Variants in FAF1 observed in about 807,000 individuals in gnomAD.
FAF1 encodes Fas associated factor 1.
Under a neutral mutation model 92.5 loss-of-function variants are expected in FAF1, and 25 were observed. The observed-to-expected ratio is 0.27, with a 90% CI of 0.20 to 0.38. FAF1 has a LOEUF of 0.38. FAF1 is among the 10% of genes least tolerant of loss of function. The pLI, the probability that FAF1 is intolerant of heterozygous loss-of-function variation, is 1.00. For missense variants in FAF1, 636 were observed against 793.3 expected, an observed-to-expected ratio of 0.80 and a Z score of 2.38; for synonymous variants, 234 against 273.2, an observed-to-expected ratio of 0.86 and a Z score of 1.42.
At chr1:50,888,376 C>T (rs1380038927) in intron 1 of FAF1, among the ~76,000 whole-genome samples, 2 of 152,136 alleles carry the variant, frequency 1.3e-5, no homozygotes, top group African/African-American at 2.4e-5. Flanking sequence ...TTTCTTTCTC[C>T]TGCCTGATTG....
At chr1:50,892,539 T>A (rs143288586) in intron 1 of FAF1, among the ~76,000 whole-genome samples, 1 of 152,200 alleles carries the variant, frequency 6.6e-6, no homozygotes, top group African/African-American at 2.4e-5. Context: ...GCCTGTAAGG[T>A]TTCCACTGAA....
At chr1:50,657,711 T>C (rs1280700596) in intron 7 of FAF1, among the ~76,000 whole-genome samples, 10 of 152,176 alleles carry the variant, frequency 6.6e-5, no homozygotes, top group Admixed American at 6.5e-4. Flanking sequence ...CATAATCACA[T>C]CTAAGTTACC....
At chr1:50,461,867 GAAACCA>G (rs1356684226) in intron 18 of FAF1, among the ~76,000 whole-genome samples, 1 of 136,458 alleles carries the variant, frequency 7.3e-6, no homozygotes, top group African/African-American at 2.8e-5. Flanking sequence ...TTGTCTTCTT[GAAACCA>G]AAACACTGAA....
At chr1:50,919,165 C>T (rs1644943142) in intron 1 of FAF1, among the ~76,000 whole-genome samples, 1 of 151,916 alleles carries the variant, frequency 6.6e-6, no homozygotes, top group South Asian at 2.1e-4. Flanking sequence ...ATTCTAACTC[C>T]TAAATGAAAA....
chr1:50,807,020 C>T (rs987371800), intron 2 of FAF1, among the ~76,000 whole-genome samples: 1 of 152,138 alleles, frequency 6.6e-6, no homozygotes, highest in African/African-American at 2.4e-5. Flanking sequence ...CACTAATTCC[C>T]CAGTACTGGG....
At chr1:50,615,892 A>G (rs1277534326) in intron 8 of FAF1, among the ~76,000 whole-genome samples, 1 of 152,016 alleles carries the variant, frequency 6.6e-6, no homozygotes, top group Non-Finnish European at 1.5e-5. Flanking sequence ...TTTTTGTTGC[A>G]ACTGTTTTTG....
intron 15 of FAF1, among the ~76,000 whole-genome samples, chr1:50,510,581 G>T (rs1647121927): frequency 6.6e-6 from 1 of 152,110 alleles, no homozygotes; most frequent in East Asian, 1.9e-4. Context: ...ATGTGTCAGG[G>T]CTCTGATAAG....
At chr1:50,882,797 C>T (rs1451985574) in intron 1 of FAF1, among the ~76,000 whole-genome samples, 1 of 151,666 alleles carries the variant, frequency 6.6e-6, no homozygotes, top group Non-Finnish European at 1.5e-5. Context: ...ACCAGCGTGG[C>T]CAACATGGTG....
intron 1 of FAF1, among the ~76,000 whole-genome samples, chr1:50,888,581 A>G (rs1256491684): frequency 6.6e-6 from 1 of 152,170 alleles, no homozygotes; most frequent in African/African-American, 2.4e-5. Context: ...ACTTTTTAGC[A>G]TGAAGGGCTG....
At chr1:50,667,489 C>T (rs935209585) in intron 7 of FAF1, among the ~76,000 whole-genome samples, 1 of 152,204 alleles carries the variant, frequency 6.6e-6, no homozygotes, top group African/African-American at 2.4e-5. Context: ...TTATCAGAAA[C>T]AGCTGTGTCT....
chr1:50,569,431 G>A lies in FAF1; in HGVS notation c.1114-2200C>T, dbSNP rs1404143280. 3.9e-5 allele frequency among the ~76,000 whole-genome samples: 6 copies of A among 152,238 alleles called. No homozygotes were observed. The East Asian group carries it at 1.2e-3, about 29-fold the overall frequency. On this transcript the variant is annotated intron_variant, in intron 12 of 18. Transcript: ENST00000396153. ...GGCAAAAAAGATACCCAATAGCAAT[G>A]GCAATGTAAAATCAGTTTTAGTAAA...
intron 4 of FAF1, among the ~76,000 whole-genome samples, chr1:50,786,309 C>T (rs1226405705): frequency 1.3e-5 from 2 of 152,116 alleles, no homozygotes; most frequent in African/African-American, 2.4e-5. Context: ...TATGCTACAA[C>T]ATATATAAGC....
chr1:50,567,024 TG>T (rs1229588862), intron 13 of FAF1, 52 bp downstream of exon 13: 1 of 1,349,740 alleles, frequency 7.4e-7, no homozygotes, highest in East Asian at 2.4e-5. Flanking sequence ...ATAAACACAA[TG>T]ATTTTTTTTT....
chr1:50,914,985 T>C (rs1046555847), intron 1 of FAF1, among the ~76,000 whole-genome samples: 1 of 152,194 alleles, frequency 6.6e-6, no homozygotes, highest in Admixed American at 6.5e-5. Context: ...GCTCTCCACA[T>C]TGCAAAGTTT....
intron 13 of FAF1, among the ~76,000 whole-genome samples, chr1:50,554,390 T>TATATATATATATATAGAGAG: frequency 5.3e-5 from 5 of 93,680 alleles, no homozygotes; most frequent in South Asian, 4.0e-4. Flanking sequence ...TATATATATA[T>TATATATATATATATAGAGAG]AGAGAGAGAG....
At chr1:50,593,677 C>G (rs956622958) in intron 9 of FAF1, among the ~76,000 whole-genome samples, 1 of 152,098 alleles carries the variant, frequency 6.6e-6, no homozygotes, top group East Asian at 1.9e-4. Flanking sequence ...CAGTATAATA[C>G]AGCACAGTCA....
chr1:50,897,156 TAAAGA>T, intron 1 of FAF1, among the ~76,000 whole-genome samples: 1 of 152,172 alleles, frequency 6.6e-6, no homozygotes, highest in South Asian at 2.1e-4. Context: ...TGAAATAAAT[TAAAGA>T]ATATATAAAT....
intron 18 of FAF1, chr1:50,452,029 G>T (rs953805587): frequency 1.0e-4 from 133 of 1,278,920 alleles, no homozygotes; most frequent in Admixed American, 1.6e-4. Context: ...TATAAGTGGG[G>T]AAGGCCCAGA....
intron 15 of FAF1, among the ~76,000 whole-genome samples, chr1:50,529,542 G>A (rs978416249): frequency 1.3e-5 from 2 of 152,148 alleles, no homozygotes; most frequent in Admixed American, 1.3e-4. Context: ...AACTGCTTGG[G>A]AATCTTAGTA....
Sources: allele counts gnomAD v4.1 joint callset (sites outside exome capture counted in the v4.1 genomes callset), GRCh38; gene constraint gnomAD v4.1.1; transcripts MANE v1.5; gene names NCBI Gene and HGNC (gene_info 2026-07-23, HGNC 2026-07-21).